Variants in PLXNB2 observed in about 807,000 individuals in gnomAD.
PLXNB2 encodes plexin B2.
PLXNB2 carries 85 observed loss-of-function variants against 202.6 expected under a neutral mutation model. That is an observed-to-expected ratio of 0.42 (90% CI 0.35 to 0.50). The LOEUF is 0.50. Ranked by LOEUF, PLXNB2 falls within the 20% of genes least tolerant of loss-of-function variation. The pLI, the probability that PLXNB2 is intolerant of heterozygous loss-of-function variation, is 0.02. For missense variants in PLXNB2, 2,063 were observed against 2,586.2 expected (o/e 0.80, Z 4.39); for synonymous variants, 1,239 against 1,137.6 (o/e 1.09, Z -1.79).
In PLXNB2 at chr22:50,283,123, T is replaced by C; in HGVS notation, c.2743A>G (p.Ile915Val). The C allele has an allele frequency of 2.5e-6, 4 of 1,601,048 alleles. No individual in the cohort carries two copies. The highest frequency in any genetic ancestry group is 3.4e-6 in the Non-Finnish European group (4 of 1,175,032). The change falls in exon 17 of 37, where the codon ATC (isoleucine) becomes GTC (valine). Residue 915 changes from isoleucine (I) to valine (V), a missense_variant. By Grantham distance (29) the Ile-to-Val change is conservative (BLOSUM62 3). Around this residue, in one of 2 missense-constraint regions of PLXNB2, gnomAD observed 1,303 missense variants for 1,476.8 expected, o/e 0.88. Transcript: ENST00000359337. ...CCCGTGTCCAGGTGGGTGCCGTGGA[T>C]GGTCAGTGTGGTGCCGCCCGCCTGC... ...GPQAGGTTLTIHGTHLDTGSQ... is the reference protein window; with the variant it reads ...GPQAGGTTLTVHGTHLDTGSQ...
chr22:50,280,283 C>T (rs2065895296), intron 25 of PLXNB2, among the ~76,000 whole-genome samples: 2 of 152,220 alleles, frequency 1.3e-5, no homozygotes. Context: ...CTGTGACCAG[C>T]TGAAACCGCT....
At position 50,281,677 on chromosome 22, in the gene PLXNB2, G is replaced by A. The variant is rs553656688; in HGVS notation, c.3411C>T (p.Cys1137=). The A allele has an allele frequency of 2.6e-5, 41 of 1,577,712 alleles. 1 individual carries two copies. In the East Asian group the frequency reaches 8.3e-4, roughly 32 times the overall value. Residue 1137 remains cysteine, a synonymous_variant, in exon 21 of 37, where the codon TGC becomes TGT. Transcript: ENST00000359337. Reference sequence around the variant, plus strand: ...CGGTCTCCGTCAGCGTCTTCATGGTGCAGCGCTCGGCACCCACGAAGGCCT... The same window carrying A: ...CGGTCTCCGTCAGCGTCTTCATGGTACAGCGCTCGGCACCCACGAAGGCCT... The part of the protein sequence containing the change: ...EAEAFVGAER[C]TMKTLTETDL...
At chr22:50,276,814 G>A in intron 34 of PLXNB2, 28 bp downstream of exon 34, 1 of 1,601,092 alleles carries the variant, frequency 6.2e-7, no homozygotes. Context: ...GGGCATGGGG[G>A]CCTGGCCTGG....
rs1016541627 is a variant in PLXNB2 at position 50,277,452 on chromosome 22, G to C, written c.5196+139C>G. The C allele has an allele frequency of 5.8e-6, 5 of 859,652 alleles. No individual in the cohort carries two copies. In the South Asian group the frequency reaches 1.1e-4, roughly 19 times the overall value. 53.3% of individuals were successfully genotyped at this position (859,652 alleles called of 1,614,324 possible). A position where few individuals can be genotyped will look rare whatever the true frequency, so the allele number is the denominator to read the frequency against. The stretch of plus-strand genomic sequence containing the variant: ...CCGGGCCCCTGTGCCCCCAGCCTCC[G>C]CCACCCGTCACCTCCTACATCAAGG... On this transcript the variant is annotated intron_variant, in intron 33 of 36. Coordinates refer to ENST00000359337, the MANE Select transcript of PLXNB2 (RefSeq NM_012401.4).
chr22:50,293,224 G>A (rs2067011563), intron 2 of PLXNB2, among the ~76,000 whole-genome samples: 1 of 152,228 alleles, frequency 6.6e-6, no homozygotes, highest in South Asian at 2.1e-4. Context: ...CCCCCGCTGT[G>A]GCTCAGTGGC....
chr22:50,282,647 C>A, intron 18 of PLXNB2, 64 bp downstream of exon 18: 1 of 1,150,930 alleles, frequency 8.7e-7, no homozygotes, highest in Non-Finnish European at 1.2e-6. Flanking sequence ...CACAGTCAGC[C>A]AAGGGCACTG....
In PLXNB2 at chr22:50,277,655, G is replaced by A. The variant is rs1199622252; in HGVS notation, c.5132C>T (p.Ser1711Leu). 2.5e-6 allele frequency: 4 copies of A among 1,609,038 alleles called. No individual in the cohort carries two copies. Among genetic ancestry groups the A allele is most frequent in the East Asian group, 2.2e-5 (1 of 44,764 alleles). Residue 1711 changes from serine (S) to leucine (L), a missense_variant, in exon 33 of 37, where the codon TCG becomes TTG. Transcript: ENST00000359337. ...GAAGGTCTGCGCGATGACTGACAGC[G>A]AGGCGTCCACCACCTCGTGGACATG... ...DVHVHEVVDA[S>L]LSVIAQTFMD...
At chr22:50,293,131 G>A (rs1470174636) in intron 2 of PLXNB2, among the ~76,000 whole-genome samples, 1 of 152,226 alleles carries the variant, frequency 6.6e-6, no homozygotes, top group Non-Finnish European at 1.5e-5. Flanking sequence ...GCTTTAGTGA[G>A]AGACAGGAAG....
At position 50,281,632 on chromosome 22, in the gene PLXNB2, C is replaced by CG; in HGVS notation, c.3455dup (p.Glu1153GlyfsTer80). 1 of 1,606,554 alleles carries CG rather than the reference C, an allele frequency of 6.2e-7. No homozygotes were observed. Among genetic ancestry groups the CG allele is most frequent in the Non-Finnish European group, 8.5e-7 (1 of 1,176,242 alleles). On this transcript the variant is annotated frameshift_variant, in exon 21 of 37. Transcript: ENST00000359337. LOFTEE classifies it high-confidence loss of function. Reference sequence around the variant, plus strand: ...GCCGCTTGGGCGGGGGCTGCACCTCCGGGGGCTCACAGTACAGGTCGGTCT... The same window carrying CG: ...GCCGCTTGGGCGGGGGCTGCACCTCCGGGGGGCTCACAGTACAGGTCGGTCT...
intron 1 of PLXNB2, among the ~76,000 whole-genome samples, chr22:50,296,844 C>T (rs1383095978): frequency 2.0e-5 from 3 of 152,150 alleles, no homozygotes; most frequent in African/African-American, 4.8e-5. Context: ...CCCTGTGCAG[C>T]GGGACCCGGG....
chr22:50,283,586 A>G lies in PLXNB2; in HGVS notation c.2570+16T>C. 3 of 1,539,974 alleles carry G rather than the reference A, an allele frequency of 1.9e-6. No homozygotes were observed. Among genetic ancestry groups the G allele is most frequent in the Non-Finnish European group, 2.6e-6 (3 of 1,136,290 alleles). ...TGACCCAGCTGACAGGGCCCAGACC[A>G]GGGCCGTCCACTCACCGGGTGGACA... On this transcript the variant is annotated intron_variant, in intron 15 of 36. Transcript: ENST00000359337.
intron 31 of PLXNB2, 21 bp downstream of exon 31, chr22:50,278,096 C>A: frequency 6.2e-7 from 1 of 1,603,144 alleles, no homozygotes. Context: ...TGGTGCCGCC[C>A]ACACACCCAT....
chr22:50,275,979 ACAGT>A lies in PLXNB2; in HGVS notation c.5338-20_5338-17del, dbSNP rs565447693. 1.4e-4 allele frequency: 233 copies of A among 1,611,666 alleles called. No individual in the cohort carries two copies. In the South Asian group the frequency reaches 2.3e-3, roughly 16 times the overall value. ...CCGTGTGCGCCTGGGGGGTGACGGG[ACAGT>A]CAGGGTGGAAAAGGGGCTGTGGGAG... On this transcript the variant is annotated splice_polypyrimidine_tract_variant and intron_variant, in intron 35 of 36. Coordinates refer to ENST00000359337, the MANE Select transcript of PLXNB2 (RefSeq NM_012401.4).
intron 1 of PLXNB2, 32 bp from the exon 2 acceptor site, chr22:50,294,810 G>A (rs1254886815): frequency 1.2e-5 from 12 of 971,000 alleles, no homozygotes; most frequent in Non-Finnish European, 1.5e-5. Context: ...CCGGTCACAA[G>A]AGGAGCCCGG....
chr22:50,292,827 G>C (rs752037465), intron 2 of PLXNB2, among the ~76,000 whole-genome samples: 1 of 152,222 alleles, frequency 6.6e-6, no homozygotes, highest in African/African-American at 2.4e-5. Flanking sequence ...AGCCACCCCA[G>C]GGCCCGCATG....
chr22:50,282,433 C>T (rs1390985919), intron 18 of PLXNB2, 120 bp from the exon 19 acceptor site: 1 of 1,082,792 alleles, frequency 9.2e-7, no homozygotes, highest in African/African-American at 1.6e-5. Context: ...ATGTGTGGGT[C>T]TCGGTGGGCA....
chr22:50,283,003 CCCAGGG>C (rs1363099948), intron 17 of PLXNB2, 41 bp downstream of exon 17: 1 of 1,583,894 alleles, frequency 6.3e-7, no homozygotes, highest in South Asian at 1.2e-5. Context: ...CCCCTCCATA[CCCAGGG>C]CCAGGGCCAA....
Position 50,276,924 on chromosome 22 carries a change from C to A in PLXNB2, c.5197-18G>T. 1 of 1,583,008 alleles carries A rather than the reference C, an allele frequency of 6.3e-7. No individual in the cohort carries two copies. The highest frequency in any genetic ancestry group is 2.3e-5 in the East Asian group (1 of 43,972). On this transcript the variant is annotated intron_variant, in intron 33 of 36. Transcript: ENST00000359337. ...GGAGAATCCTGTTGGGGACAAAACCCAGTGATGCCTGGCCAAGGGGGCCAG... is the reference window on the plus strand; with the variant it reads ...GGAGAATCCTGTTGGGGACAAAACCAAGTGATGCCTGGCCAAGGGGGCCAG...
chr22:50,279,562 C>T, intron 27 of PLXNB2, 68 bp downstream of exon 27: 3 of 1,492,198 alleles, frequency 2.0e-6, no homozygotes, highest in Non-Finnish European at 2.8e-6. Flanking sequence ...CATCTGTGGC[C>T]AGGGGATGCC....
Sources: gnomAD v4.1 joint callset for allele counts (sites outside exome capture counted in the v4.1 genomes callset) on GRCh38, gnomAD v4.1.1 for gene constraint, gnomAD v4.1.1 regional missense constraint, MANE v1.5 for transcripts, NCBI Gene and HGNC (gene_info 2026-07-23, HGNC 2026-07-21) for gene names.